NEK11: variants seen among roughly 807,000 people sequenced by gnomAD.
The protein encoded by NEK11 is NIMA related kinase 11.
A neutral mutation model predicts 80.7 loss-of-function variants in NEK11; 72 were observed. The ratio of observed to expected loss-of-function variants is 0.89; its 90% CI spans 0.74 to 1.08. The LOEUF (loss-of-function observed/expected upper bound fraction) is 1.08. NEK11 is among the 50% of genes least tolerant of loss of function. The pLI is 0.00. For missense variants in NEK11, 764 were observed against 763.6 expected, an observed-to-expected ratio of 1.00 and a Z score of -0.01; for synonymous variants, 251 against 260.7, an observed-to-expected ratio of 0.96 and a Z score of 0.36.
At chr3:131,312,855 G>A (rs1375841720) in intron 17 of NEK11, among the ~76,000 whole-genome samples, 3 of 152,098 alleles carry the variant, frequency 2.0e-5, no homozygotes, top group Non-Finnish European at 2.9e-5. Flanking sequence ...AGGGGTACAT[G>A]TGCAGCTTTG....
At chr3:131,239,695 G>T (rs1429565751) in intron 15 of NEK11, among the ~76,000 whole-genome samples, 1 of 152,106 alleles carries the variant, frequency 6.6e-6, no homozygotes, top group Non-Finnish European at 1.5e-5. Context: ...GTGAGCAAAA[G>T]AATAACCTTT....
chr3:131,138,128 T>C (rs951323772), intron 7 of NEK11, among the ~76,000 whole-genome samples: 2 of 152,166 alleles, frequency 1.3e-5, no homozygotes, highest in Non-Finnish European at 2.9e-5. Flanking sequence ...TTTCATGTCT[T>C]AGCTCTTGGA....
At chr3:131,174,989 A>G in intron 14 of NEK11, 2 of 1,371,070 alleles carry the variant, frequency 1.5e-6, no homozygotes, top group Non-Finnish European at 1.9e-6. Context: ...ATGCTCAGAG[A>G]TAGCTCAGAC....
At chr3:131,175,450 T>A (rs1224260769) in intron 14 of NEK11, among the ~76,000 whole-genome samples, 1 of 152,194 alleles carries the variant, frequency 6.6e-6, no homozygotes, top group South Asian at 2.1e-4. Context: ...TACAACAATA[T>A]AGATAAATAC....
intron 7 of NEK11, among the ~76,000 whole-genome samples, chr3:131,134,664 G>T (rs2085196350): frequency 6.6e-6 from 1 of 152,158 alleles, no homozygotes; most frequent in Admixed American, 6.5e-5. Context: ...CTCCCAAAGT[G>T]CTGGGATTAC....
intron 14 of NEK11, among the ~76,000 whole-genome samples, chr3:131,196,037 A>G (rs956141234): frequency 6.7e-6 from 1 of 149,912 alleles, no homozygotes; most frequent in Non-Finnish European, 1.5e-5. Flanking sequence ...TTTGTAAGTT[A>G]TTATTATTTA....
chr3:131,137,375 C>A (rs1005774064), intron 7 of NEK11, among the ~76,000 whole-genome samples: 1 of 152,210 alleles, frequency 6.6e-6, no homozygotes, highest in Non-Finnish European at 1.5e-5. Flanking sequence ...TTGAGAAATA[C>A]AGTCCAACTT....
chr3:131,264,383 T>C (rs1303563625), intron 16 of NEK11, among the ~76,000 whole-genome samples: 5 of 152,228 alleles, frequency 3.3e-5, no homozygotes, highest in Non-Finnish European at 4.4e-5. Context: ...TTGAATTAAT[T>C]TTTGTATAAG....
chr3:131,190,379 G>A (rs2093748973), intron 14 of NEK11, among the ~76,000 whole-genome samples: 1 of 152,124 alleles, frequency 6.6e-6, no homozygotes, highest in South Asian at 2.1e-4. Flanking sequence ...GGATCATAGA[G>A]GCAGATCCCT....
At chr3:131,093,961 T>C (rs1433884464) in intron 4 of NEK11, among the ~76,000 whole-genome samples, 2 of 149,458 alleles carry the variant, frequency 1.3e-5, no homozygotes, top group Non-Finnish European at 3.0e-5. Flanking sequence ...AGTCTTGACC[T>C]GTGATCTTGG....
chr3:131,214,694 C>CGTGTGT (rs748168866), intron 14 of NEK11, among the ~76,000 whole-genome samples: 2 of 65,840 alleles, frequency 3.0e-5, no homozygotes, highest in African/African-American at 4.6e-5. Flanking sequence ...AATGTGCGTG[C>CGTGTGT]ATGTGTGTGT....
intron 17 of NEK11, among the ~76,000 whole-genome samples, chr3:131,338,533 A>C (rs2110300718): frequency 6.6e-6 from 1 of 152,160 alleles, no homozygotes; most frequent in East Asian, 1.9e-4. Context: ...CCACACAAAA[A>C]CCTACATATG....
At chr3:131,170,505 T>G (rs1267842979) in intron 13 of NEK11, among the ~76,000 whole-genome samples, 1 of 152,126 alleles carries the variant, frequency 6.6e-6, no homozygotes, top group Non-Finnish European at 1.5e-5. Flanking sequence ...CTTCAATTGG[T>G]ACCTTGGGCA....
chr3:131,032,153 G>A (rs937674420), intron 3 of NEK11, among the ~76,000 whole-genome samples: 1 of 151,970 alleles, frequency 6.6e-6, no homozygotes, highest in Non-Finnish European at 1.5e-5. Flanking sequence ...GTAGAGACAG[G>A]GTTTCACCAT....
rs534875647 is a variant in NEK11, at chr3:131,236,915, T to C, written c.1561-6521T>C. 2.2e-4 allele frequency among the ~76,000 whole-genome samples: 34 copies of C among 152,352 alleles called. 1 individual carries two copies. In the South Asian group the frequency reaches 6.6e-3, roughly 30 times the overall value. Reference sequence around the variant, plus strand: ...TTCAAGCTGAGATGTGAAAGGTACATCTGAGTGTGAAGAAGATGGATAAGG... The same window carrying C: ...TTCAAGCTGAGATGTGAAAGGTACACCTGAGTGTGAAGAAGATGGATAAGG... On this transcript the variant is annotated intron_variant, in intron 15 of 17. Coordinates refer to ENST00000383366, the MANE Select transcript of NEK11 (RefSeq NM_024800.5).
intron 14 of NEK11, among the ~76,000 whole-genome samples, chr3:131,211,038 C>T (rs893009339): frequency 1.6e-4 from 25 of 152,104 alleles, no homozygotes; most frequent in African/African-American, 5.3e-4. Flanking sequence ...GGTTATTTTG[C>T]CCACTAGTTG....
intron 3 of NEK11, among the ~76,000 whole-genome samples, chr3:131,036,430 A>G (rs1294750400): frequency 1.3e-5 from 2 of 152,200 alleles, no homozygotes; most frequent in Non-Finnish European, 2.9e-5. Context: ...ATTTTTGAGA[A>G]CTTCCAGGTG....
intron 3 of NEK11, among the ~76,000 whole-genome samples, chr3:131,030,874 G>T (rs561832453): frequency 1.3e-5 from 2 of 152,164 alleles, no homozygotes; most frequent in African/African-American, 4.8e-5. Flanking sequence ...AAGTAAGTTG[G>T]AACTGAAGTT....
chr3:131,173,767 A>G (rs951719073), intron 14 of NEK11, among the ~76,000 whole-genome samples: 1 of 152,182 alleles, frequency 6.6e-6, no homozygotes, highest in Non-Finnish European at 1.5e-5. Context: ...TCCAGCTACT[A>G]TGGAAAACCC....
Sources: gnomAD v4.1 joint callset for allele counts (sites outside exome capture counted in the v4.1 genomes callset) on GRCh38, gnomAD v4.1.1 for gene constraint, MANE v1.5 for transcripts, NCBI Gene and HGNC (gene_info 2026-07-23, HGNC 2026-07-21) for gene names.